Variants in CERS6 observed in about 807,000 individuals in gnomAD.
The protein encoded by CERS6 is ceramide synthase 6.
Under a neutral mutation model 56.8 loss-of-function variants are expected in CERS6, and 26 were observed. The observed-to-expected ratio is 0.46, with a 90% CI of 0.34 to 0.63. The LOEUF is 0.63. Ranked by LOEUF, CERS6 falls within the 30% of genes least tolerant of loss-of-function variation. The pLI is 0.01. For synonymous variants in CERS6, 164 were observed against 173.3 expected, an observed-to-expected ratio of 0.95 and a Z score of 0.42; for missense variants, 415 against 467.5, an observed-to-expected ratio of 0.89 and a Z score of 1.04.
intron 1 of CERS6, among the ~76,000 whole-genome samples, chr2:168,501,512 C>T (rs551211293): frequency 7.9e-5 from 12 of 152,286 alleles, no homozygotes; most frequent in African/African-American, 2.9e-4. Flanking sequence ...GGAGTTCCCC[C>T]TATAATGAGG....
chr2:168,513,270 G>T (rs1482335099), intron 1 of CERS6, among the ~76,000 whole-genome samples: 1 of 152,166 alleles, frequency 6.6e-6, no homozygotes, highest in African/African-American at 2.4e-5. Flanking sequence ...TGTAGCCCAT[G>T]TTACAATTTA....
At chr2:168,698,555 A>T (rs1686726468) in intron 6 of CERS6, among the ~76,000 whole-genome samples, 3 of 152,294 alleles carry the variant, frequency 2.0e-5, no homozygotes, top group South Asian at 2.1e-4. Context: ...GGATGGTGTT[A>T]AACGATGAGA....
At chr2:168,505,382 C>CAAAAAAAA (rs370477008) in intron 1 of CERS6, among the ~76,000 whole-genome samples, 3 of 96,374 alleles carry the variant, frequency 3.1e-5, no homozygotes, top group Non-Finnish European at 5.9e-5. Flanking sequence ...ACCCTGTTTC[C>CAAAAAAAA]AAAAAAAAAA....
At chr2:168,512,690 C>G (rs1694810363) in intron 1 of CERS6, among the ~76,000 whole-genome samples, 2 of 131,882 alleles carry the variant, frequency 1.5e-5, no homozygotes, top group African/African-American at 5.9e-5. Context: ...TTTTTAAAGA[C>G]AGAGTCTCGC....
At chr2:168,701,171 A>G (rs996988237) in intron 6 of CERS6, among the ~76,000 whole-genome samples, 1 of 152,198 alleles carries the variant, frequency 6.6e-6, no homozygotes, top group African/African-American at 2.4e-5. Flanking sequence ...GATAACATGT[A>G]ATGAGTAAGA....
chr2:168,589,914 G>A (rs1683633103), intron 3 of CERS6, among the ~76,000 whole-genome samples: 1 of 152,132 alleles, frequency 6.6e-6, no homozygotes, highest in African/African-American at 2.4e-5. Context: ...GGGTAAAAAG[G>A]CAATGAACTT....
intron 8 of CERS6, among the ~76,000 whole-genome samples, chr2:168,760,063 A>T (rs1211588866): frequency 6.6e-6 from 1 of 152,154 alleles, no homozygotes; most frequent in African/African-American, 2.4e-5. Context: ...CCAGATCAAG[A>T]TACAGAAGTG....
intron 3 of CERS6, chr2:168,606,598 A>C (rs1307084636): frequency 6.6e-6 from 1 of 152,180 alleles, no homozygotes; most frequent in Non-Finnish European, 1.5e-5. Context: ...GGAATGAATT[A>C]AGACTTTGGG....
chr2:168,673,024 A>G (rs1685961230), intron 4 of CERS6, among the ~76,000 whole-genome samples: 2 of 152,250 alleles, frequency 1.3e-5, no homozygotes, highest in Non-Finnish European at 2.9e-5. Flanking sequence ...TTTGAAGGAC[A>G]TAGTTTGACC....
At chr2:168,623,271 A>T (rs937945079) in intron 3 of CERS6, among the ~76,000 whole-genome samples, 2 of 152,226 alleles carry the variant, frequency 1.3e-5, no homozygotes, top group South Asian at 2.1e-4. Context: ...AAAGAGGGAG[A>T]TGTTGGTTGA....
intron 1 of CERS6, among the ~76,000 whole-genome samples, chr2:168,513,840 G>A (rs4630736): frequency 0.022 from 3,354 of 152,234 alleles, 139 homozygotes; most frequent in East Asian, 0.18. Context: ...TGTTGGAACT[G>A]GTTGCGAGGT....
At chr2:168,697,174 A>T (rs1387780508) in intron 6 of CERS6, among the ~76,000 whole-genome samples, 1 of 152,132 alleles carries the variant, frequency 6.6e-6, no homozygotes, top group Non-Finnish European at 1.5e-5. Context: ...TCTGACTTGT[A>T]TGGCTACAGG....
chr2:168,528,851 T>G (rs778756418), intron 1 of CERS6, among the ~76,000 whole-genome samples: 1 of 152,176 alleles, frequency 6.6e-6, no homozygotes, highest in Non-Finnish European at 1.5e-5. Flanking sequence ...TAATAGTGAT[T>G]GTGAAGTTAA....
At chr2:168,628,459 A>G (rs1415130876) in intron 3 of CERS6, among the ~76,000 whole-genome samples, 4 of 152,186 alleles carry the variant, frequency 2.6e-5, no homozygotes, top group African/African-American at 4.8e-5. Flanking sequence ...GTTGCTTTGT[A>G]TGTGGATTGT....
intron 4 of CERS6, among the ~76,000 whole-genome samples, chr2:168,675,607 C>A (rs189233530): frequency 6.6e-6 from 1 of 152,036 alleles, no homozygotes; most frequent in Admixed American, 6.5e-5. Context: ...AAACAAAAAC[C>A]AAGGACAACA....
At chr2:168,635,425 G>C (rs1684840998) in intron 4 of CERS6, among the ~76,000 whole-genome samples, 1 of 152,132 alleles carries the variant, frequency 6.6e-6, no homozygotes, top group South Asian at 2.1e-4. Context: ...GTGATGACAA[G>C]AACTAGAAGC....
At chr2:168,705,036 G>A (rs1235001912) in intron 6 of CERS6, among the ~76,000 whole-genome samples, 1 of 151,964 alleles carries the variant, frequency 6.6e-6, no homozygotes, top group Admixed American at 6.6e-5. Context: ...TTCCTCACAC[G>A]TCCGTTTCTG....
chr2:168,741,373 TAA>T lies in CERS6; in HGVS notation c.845+23416_845+23417del, dbSNP rs200311434. ...AGTTATATGTATGGATTTGGAGAAT[TAA>T]AAAAAAAAAAAAAAAAAAAAGACAA... On this transcript the variant is annotated intron_variant, in intron 8 of 9. Transcript: ENST00000305747. Among the ~76,000 whole-genome samples, 108 of 147,098 alleles carry T rather than the reference TAA, an allele frequency of 7.3e-4. 2 individuals are homozygous for T. In the East Asian group the frequency reaches 8.1e-3, roughly 11 times the overall value.
At chr2:168,768,038 A>G (rs1684765587) in intron 9 of CERS6, among the ~76,000 whole-genome samples, 2 of 152,196 alleles carry the variant, frequency 1.3e-5, no homozygotes, top group African/African-American at 4.8e-5. Flanking sequence ...AACTATTTTT[A>G]TCTTAAAAGC....
Sources: gnomAD v4.1 joint callset for allele counts (sites outside exome capture counted in the v4.1 genomes callset) on GRCh38, gnomAD v4.1.1 for gene constraint, MANE v1.5 for transcripts, NCBI Gene and HGNC (gene_info 2026-07-23, HGNC 2026-07-21) for gene names.